ZNF638: variants seen among roughly 807,000 people sequenced by gnomAD.
ZNF638 encodes zinc finger protein 638, also known as CTCL tumor antigen se33-1.
ZNF638 carries 46 observed loss-of-function variants against 195.6 expected under a neutral mutation model. The ratio of observed to expected loss-of-function variants is 0.24; its 90% CI spans 0.19 to 0.30. The LOEUF is 0.30. Ranked by LOEUF, ZNF638 falls within the 10% of genes least tolerant of loss-of-function variation. The pLI is 1.00. For synonymous variants in ZNF638, 845 were observed against 772.0 expected, an observed-to-expected ratio of 1.09 and a Z score of -1.57; for missense variants, 2,440 against 2,325.3, an observed-to-expected ratio of 1.05 and a Z score of -1.01.
chr2:71,348,138 C>T (rs1386668864), intron 1 of ZNF638, among the ~76,000 whole-genome samples: 3 of 152,200 alleles, frequency 2.0e-5, no homozygotes, highest in Non-Finnish European at 2.9e-5. Context: ...TATGTTATAA[C>T]GAATTCCATG....
intron 26 of ZNF638, among the ~76,000 whole-genome samples, chr2:71,432,530 A>G (rs1303589560): frequency 1.3e-5 from 2 of 152,202 alleles, no homozygotes; most frequent in Non-Finnish European, 1.5e-5. Flanking sequence ...TTAGGTTCTT[A>G]TCTAATGACT....
At position 71,390,942 on chromosome 2, in the gene ZNF638, T is replaced by A. The variant is rs183518210; in HGVS notation, c.2378-5199T>A. 3.8e-3 allele frequency among the ~76,000 whole-genome samples: 585 copies of A among 152,340 alleles called. 3 individuals carry two copies. Among genetic ancestry groups the A allele is most frequent in the African/African-American group, 0.013 (558 of 41,578 alleles). On this transcript the variant is annotated intron_variant, in intron 10 of 27. Transcript: ENST00000264447. Reference sequence around the variant, plus strand: ...CGGGACCGATTAGCCCAATGGGGGCTGCAAACCCCTTTCTAATAATGGCCA... The same window carrying A: ...CGGGACCGATTAGCCCAATGGGGGCAGCAAACCCCTTTCTAATAATGGCCA...
Position 71,426,821 on chromosome 2 carries a change from A to G in ZNF638, c.4952A>G (p.Gln1651Arg). The change falls in exon 24 of 28, where the codon CAA becomes CGA. Residue 1651 changes from glutamine to arginine, a missense_variant. Gln to Arg is a conservative substitution (Grantham distance 43). This residue lies in a region of ZNF638 where 1,883 missense variants were observed against 1,739.1 expected (regional missense o/e 1.08). Transcript: ENST00000264447. ...SLFTLDELIDQDDCISHSEPK... is the reference protein window; with the variant it reads ...SLFTLDELIDRDDCISHSEPK... ...TTTACATTAGATGAATTAATTGACC[A>G]AGATGATTGCATTTCCCACAGTGAA... is the stretch of plus-strand genomic sequence containing the variant. 5.0e-6 allele frequency: 8 copies of G among 1,613,476 alleles called. No individual in the cohort carries two copies. Among genetic ancestry groups the G allele is most frequent in the Non-Finnish European group, 6.8e-6 (8 of 1,179,616 alleles).
chr2:71,408,790 G>T, intron 20 of ZNF638: 1 of 419,326 alleles, frequency 2.4e-6, no homozygotes. Context: ...GTAAGTAATA[G>T]GACCTTATAT....
In ZNF638 at chr2:71,423,577, G is replaced by A. The variant is rs1226066448; in HGVS notation, c.4063G>A (p.Glu1355Lys). 1 of 1,613,900 alleles carries A rather than the reference G, an allele frequency of 6.2e-7. No individual in the cohort carries two copies. The highest frequency in any genetic ancestry group is 1.3e-5 in the African/African-American group (1 of 74,936). The change falls in exon 22 of 28, where the codon GAA becomes AAA. Residue 1355 changes from glutamate to lysine, a missense_variant. Glu to Lys is a moderately conservative substitution (Grantham distance 56). Coordinates refer to ENST00000264447, the MANE Select transcript of ZNF638 (RefSeq NM_014497.5). ...KMAAMKEKPA[E>K]NTLFKAYPNK... ...GGCAGCAATGAAAGAAAAGCCTGCA[G>A]AAAACACTTTATTCAAGGCATACCC...
intron 3 of ZNF638, among the ~76,000 whole-genome samples, chr2:71,362,897 T>C (rs2079133004): frequency 6.6e-6 from 1 of 152,184 alleles, no homozygotes; most frequent in African/African-American, 2.4e-5. Flanking sequence ...GCTCGTATCT[T>C]GTACCTCTTA....
At chr2:71,417,402 G>C (rs1165536044) in intron 20 of ZNF638, among the ~76,000 whole-genome samples, 7 of 151,554 alleles carry the variant, frequency 4.6e-5, no homozygotes, top group African/African-American at 1.7e-4. Context: ...GATGAACCCG[G>C]TACCTCAGAT....
At chr2:71,378,103 G>A (rs12052437) in intron 8 of ZNF638, among the ~76,000 whole-genome samples, 8,847 of 151,978 alleles carry the variant, frequency 0.058, 985 homozygotes, top group East Asian at 0.56. Flanking sequence ...AAATGTTGGC[G>A]GTGAACAATG....
At chr2:71,387,095 ATATAT>A (rs1375427944) in intron 10 of ZNF638, among the ~76,000 whole-genome samples, 1 of 152,156 alleles carries the variant, frequency 6.6e-6, no homozygotes, top group Non-Finnish European at 1.5e-5. Flanking sequence ...TTCTAAGTTT[ATATAT>A]TATAAGAAAT....
intron 10 of ZNF638, among the ~76,000 whole-genome samples, chr2:71,383,515 T>C (rs1473708678): frequency 6.6e-6 from 1 of 151,128 alleles, no homozygotes; most frequent in African/African-American, 2.4e-5. Flanking sequence ...CTAGTTTTCC[T>C]AATAATCTTT....
intron 15 of ZNF638, 107 bp from the exon 16 acceptor site, chr2:71,401,849 A>G: frequency 1.0e-6 from 1 of 959,578 alleles, no homozygotes. Flanking sequence ...GACTTTCCTC[A>G]GTATTAAATG....
Position 71,349,852 on chromosome 2 carries a change from G to A in ZNF638, c.898G>A (p.Gly300Arg). The change falls in exon 2 of 28, where the codon GGA (glycine) becomes AGA (arginine). Residue 300 changes from glycine to arginine, a missense_variant. Physicochemically the swap from Gly to Arg is moderately radical, Grantham distance 125. Around this residue, in one of 5 missense-constraint regions of ZNF638, gnomAD observed 305 missense variants for 283.6 expected, o/e 1.08. Coordinates refer to ENST00000264447, the MANE Select transcript of ZNF638 (RefSeq NM_014497.5). ...GTKMSGLHISGGQSVLEPIKS... is the reference protein window; with the variant it reads ...GTKMSGLHISRGQSVLEPIKS... Reference sequence around the variant, plus strand: ...CAAGATGTCAGGCTTACACATTTCAGGAGGACAGTCAGTCCTTGAACCCAT... The same window carrying A: ...CAAGATGTCAGGCTTACACATTTCAAGAGGACAGTCAGTCCTTGAACCCAT... 1 of 1,614,162 alleles carries A rather than the reference G, an allele frequency of 6.2e-7. No individual in the cohort carries two copies. Among genetic ancestry groups the A allele is most frequent in the Non-Finnish European group, 8.5e-7 (1 of 1,180,036 alleles).
chr2:71,348,303 G>GT (rs2078885836), intron 1 of ZNF638: 1 of 576,502 alleles, frequency 1.7e-6, no homozygotes, highest in Non-Finnish European at 2.2e-6. Context: ...GGAAGATTGT[G>GT]TTTTACAAAA....
chr2:71,363,582 G>GA (rs1003487974), intron 4 of ZNF638, among the ~76,000 whole-genome samples: 1 of 151,976 alleles, frequency 6.6e-6, no homozygotes, highest in African/African-American at 2.4e-5. Flanking sequence ...AATCTTTCAG[G>GA]AAAAAATTAT....
At chr2:71,405,670 A>G (rs1402033686) in intron 18 of ZNF638, 28 bp downstream of exon 18, 1 of 1,435,562 alleles carries the variant, frequency 7.0e-7, no homozygotes, top group Non-Finnish European at 9.6e-7. Flanking sequence ...ATGCTTTTGT[A>G]TACTTATTTA....
chr2:71,363,572 A>G (rs1294342205), intron 4 of ZNF638, among the ~76,000 whole-genome samples: 1 of 152,232 alleles, frequency 6.6e-6, no homozygotes, highest in East Asian at 1.9e-4. Flanking sequence ...TAGATGGCAT[A>G]ATCTTTCAGG....
intron 21 of ZNF638, 139 bp downstream of exon 21, chr2:71,418,778 C>G (rs2080358765): frequency 1.9e-6 from 1 of 514,298 alleles, no homozygotes; most frequent in Non-Finnish European, 3.2e-6. Context: ...GGGCTTGTTA[C>G]AGTTTTCTTT....
chr2:71,334,878 G>A (rs904050825), intron 1 of ZNF638, among the ~76,000 whole-genome samples: 13 of 151,128 alleles, frequency 8.6e-5, no homozygotes, highest in Non-Finnish European at 1.3e-4. Context: ...CCGAGATTGC[G>A]CCACTGCACT....
At chr2:71,399,684 T>A in intron 13 of ZNF638, 39 bp downstream of exon 13, 1 of 1,536,700 alleles carries the variant, frequency 6.5e-7, no homozygotes, top group South Asian at 1.2e-5. Flanking sequence ...TTTGTTTTCT[T>A]TTCTTTTTTT....
Sources: allele counts gnomAD v4.1 joint callset (sites outside exome capture counted in the v4.1 genomes callset), GRCh38; gene constraint gnomAD v4.1.1; regional missense constraint gnomAD v4.1.1; transcripts MANE v1.5; gene names NCBI Gene and HGNC (gene_info 2026-07-23, HGNC 2026-07-21).